The following KPNA6 variants were observed in gnomAD, a reference collection of about 807,000 sequenced individuals.
KPNA6 encodes importin subunit alpha-7.
Under a neutral mutation model 72.0 loss-of-function variants are expected in KPNA6, and 9 were observed. The ratio of observed to expected loss-of-function variants is 0.13; its 90% confidence interval spans 0.08 to 0.22. The LOEUF is 0.22. Ranked by LOEUF, KPNA6 falls within the 10% of genes least tolerant of loss-of-function variation. The pLI, the probability that KPNA6 is intolerant of heterozygous loss-of-function variation, is 1.00. For missense variants in KPNA6, 374 were observed against 655.7 expected (o/e 0.57, Z 4.69); for synonymous variants, 219 against 242.1 (o/e 0.90, Z 0.89).
Position 32,129,466 on chromosome 1 carries a change from C to CT in KPNA6, c.4+21333dup, listed in dbSNP as rs1641598819. ...CTTTGAGGTGACAGCCTTCAAATGACTACCTAACTACTTGCCAGTCCCTAT... is the reference window on the plus strand; with the variant it reads ...CTTTGAGGTGACAGCCTTCAAATGACTTACCTAACTACTTGCCAGTCCCTAT... On this transcript the variant is annotated intron_variant, in intron 1 of 13. Coordinates refer to ENST00000373625, the MANE Select transcript of KPNA6 (RefSeq NM_012316.5). Among the ~76,000 whole-genome samples the CT allele has an allele frequency of 2.6e-5, 4 of 152,186 alleles. No individual in the cohort carries two copies. The South Asian group carries it at 6.2e-4, about 24-fold the overall frequency.
At chr1:32,109,846 C>T (rs1557451964) in intron 1 of KPNA6, among the ~76,000 whole-genome samples, 1 of 151,462 alleles carries the variant, frequency 6.6e-6, no homozygotes, top group African/African-American at 2.4e-5. Flanking sequence ...TTAGTGGAGA[C>T]GGGGTTTCAC....
chr1:32,167,580 C>T (rs2124093940), intron 12 of KPNA6, among the ~76,000 whole-genome samples: 1 of 152,190 alleles, frequency 6.6e-6, no homozygotes, highest in Non-Finnish European at 1.5e-5. Flanking sequence ...CCTTTCTCTA[C>T]CTTTTCTTAT....
In KPNA6 at chr1:32,136,181, C is replaced by CTTTTTTTTTTTTTTT. The variant is rs759447035; in HGVS notation, c.5-18395_5-18394insTTTTTTTTTTTTTTT. Among the ~76,000 whole-genome samples the CTTTTTTTTTTTTTTT allele has an allele frequency of 1.8e-3, 249 of 139,146 alleles. 9 individuals are homozygous for CTTTTTTTTTTTTTTT. The highest frequency in any genetic ancestry group is 4.8e-3 in the South Asian group (20 of 4,162). 91.3% of individuals were successfully genotyped at this position (139,146 alleles called of 152,430 possible). On this transcript the variant is annotated intron_variant, in intron 1 of 13. Transcript: ENST00000373625. ...TAAAATCCACATTTCTAGCTTCTCTCTTTTTTTTTTTTGAGATGGAGTTTC... is the reference window on the plus strand; with the variant it reads ...TAAAATCCACATTTCTAGCTTCTCTCTTTTTTTTTTTTTTTTTTTTTTTTTTTGAGATGGAGTTTC...
chr1:32,164,010 AT>A (rs1557484013), intron 10 of KPNA6, among the ~76,000 whole-genome samples: 1 of 152,162 alleles, frequency 6.6e-6, no homozygotes. Context: ...AGCTACAGAA[AT>A]TTTTTATCAT....
At chr1:32,120,795 T>G (rs1394320714) in intron 1 of KPNA6, among the ~76,000 whole-genome samples, 1 of 151,952 alleles carries the variant, frequency 6.6e-6, no homozygotes, top group Non-Finnish European at 1.5e-5. Flanking sequence ...CTTGAACACC[T>G]GACCTCAGGT....
Position 32,174,736 on chromosome 1 carries a change from C to G in KPNA6, c.*3842C>G, listed in dbSNP as rs895812170. 5 of 152,220 alleles carry G rather than the reference C, an allele frequency of 3.3e-5. No homozygotes were observed. Among genetic ancestry groups the G allele is most frequent in the African/African-American group, 1.2e-4 (5 of 41,448 alleles). The allele number at this position is 152,220 out of a possible 1,614,324, so 9.4% of individuals were successfully genotyped here. On this transcript the variant is annotated 3_prime_UTR_variant, in exon 14 of 14. Transcript: ENST00000373625. ...GGACCCCATAGGGAGAACAGGCTGA[C>G]TGGGGCATTAGGAATGTTTGTACCT...
At position 32,155,915 on chromosome 1, in the gene KPNA6, A is replaced by ATTTT. The variant is rs747284319; in HGVS notation, c.139-919_139-916dup. 7.7e-3 allele frequency among the ~76,000 whole-genome samples: 812 copies of ATTTT among 105,026 alleles called. 27 individuals are homozygous for ATTTT. The highest frequency in any genetic ancestry group is 0.025 in the African/African-American group (660 of 26,180). The allele number at this position is 105,026 out of a possible 152,430, so 68.9% of individuals were successfully genotyped here. The stretch of plus-strand genomic sequence containing the variant: ...CACCACGCCCGGCTAATTTTTGTGG[A>ATTTT]TTTTTTTTTTTTTTTTTTTTTTGTA... On this transcript the variant is annotated intron_variant, in intron 2 of 13. Coordinates refer to ENST00000373625, the MANE Select transcript of KPNA6 (RefSeq NM_012316.5).
chr1:32,146,378 TAA>T (rs756115735), intron 1 of KPNA6, among the ~76,000 whole-genome samples: 11 of 152,232 alleles, frequency 7.2e-5, no homozygotes, highest in Non-Finnish European at 1.6e-4. Flanking sequence ...GTTTCTGACT[TAA>T]AGTTTGTTTT....
At chr1:32,125,237 A>T (rs549198534) in intron 1 of KPNA6, among the ~76,000 whole-genome samples, 2 of 152,374 alleles carry the variant, frequency 1.3e-5, no homozygotes, top group South Asian at 4.1e-4. Context: ...CCAGTTTGGC[A>T]GTTTGTATAA....
At chr1:32,131,259 A>G (rs1641631298) in intron 1 of KPNA6, among the ~76,000 whole-genome samples, 1 of 152,140 alleles carries the variant, frequency 6.6e-6, no homozygotes, top group Admixed American at 6.6e-5. Flanking sequence ...GCGCCATTGC[A>G]CTCCCGCTGG....
chr1:32,115,159 G>A (rs1362028428), intron 1 of KPNA6, among the ~76,000 whole-genome samples: 3 of 150,528 alleles, frequency 2.0e-5, no homozygotes, highest in African/African-American at 4.9e-5. Flanking sequence ...TTTTTGAGAC[G>A]GAGTTTCTCT....
Position 32,154,568 on chromosome 1 carries a change from G to C in KPNA6, c.5-20G>C. On this transcript the variant is annotated intron_variant, in intron 1 of 13. Transcript: ENST00000373625. ...GCTGTCCTCTCAAGAGTTTTTGGCA[G>C]TGTGTATCTTTTCTTCTAGAGACCA... 6 of 1,610,308 alleles carry C rather than the reference G, an allele frequency of 3.7e-6. No individual in the cohort carries two copies. The highest frequency in any genetic ancestry group is 5.1e-6 in the Non-Finnish European group (6 of 1,178,270).
chr1:32,157,492 C>A, intron 4 of KPNA6, 47 bp downstream of exon 4: 8 of 1,360,682 alleles, frequency 5.9e-6, no homozygotes, highest in Non-Finnish European at 8.4e-6. Flanking sequence ...GATTTAGCCT[C>A]TTTTCTCTTC....
At chr1:32,143,156 T>C (rs1244210538) in intron 1 of KPNA6, 1 of 454,486 alleles carries the variant, frequency 2.2e-6, no homozygotes, top group African/African-American at 2.0e-5. Context: ...CTCAACCTCC[T>C]GGGCTCAAGC....
chr1:32,115,327 A>G (rs1385444385), intron 1 of KPNA6, among the ~76,000 whole-genome samples: 1 of 151,480 alleles, frequency 6.6e-6, no homozygotes, highest in African/African-American at 2.4e-5. Flanking sequence ...TTTAGTAGAG[A>G]TGGGATTTCA....
At chr1:32,148,141 A>G (rs1055170377) in intron 1 of KPNA6, among the ~76,000 whole-genome samples, 4 of 151,816 alleles carry the variant, frequency 2.6e-5, no homozygotes, top group Non-Finnish European at 4.4e-5. Context: ...ATCTCACTCT[A>G]TCACCCAGGC....
Position 32,167,015 on chromosome 1 carries a change from C to T in KPNA6, c.1117-154C>T, listed in dbSNP as rs538280679. Among the ~76,000 whole-genome samples the T allele has an allele frequency of 3.3e-5, 5 of 152,278 alleles. No homozygotes were observed. The East Asian group carries it at 9.6e-4, about 29-fold the overall frequency. On this transcript the variant is annotated intron_variant, in intron 11 of 13. Transcript: ENST00000373625. Reference sequence around the variant, plus strand: ...GAAGCTGTGTAACCAAAACTGGGTTCTTCTGTAGTAGCCTGTCACCTATAT... The same window carrying T: ...GAAGCTGTGTAACCAAAACTGGGTTTTTCTGTAGTAGCCTGTCACCTATAT...
chr1:32,140,374 ACT>A (rs894135452), intron 1 of KPNA6, among the ~76,000 whole-genome samples: 24 of 151,500 alleles, frequency 1.6e-4, no homozygotes, highest in African/African-American at 5.1e-4. Flanking sequence ...ACAGAGCGAG[ACT>A]CTGTCTCAGG....
intron 1 of KPNA6, among the ~76,000 whole-genome samples, chr1:32,129,946 C>A (rs1176766840): frequency 2.0e-5 from 3 of 149,626 alleles, no homozygotes; most frequent in African/African-American, 7.4e-5. Context: ...ATATGTAGTG[C>A]TGGAAACATT....
Sources: allele counts gnomAD v4.1 joint callset (sites outside exome capture counted in the v4.1 genomes callset), GRCh38; gene constraint gnomAD v4.1.1; transcripts MANE v1.5; gene names NCBI Gene and HGNC (gene_info 2026-07-23, HGNC 2026-07-21).